The following DNAH6 variants were observed in gnomAD, a reference collection of about 807,000 sequenced individuals.
The protein encoded by DNAH6 is dynein axonemal heavy chain 6.
In DNAH6, 340 loss-of-function variants were observed where a neutral mutation model predicts 491.4. That is an observed-to-expected ratio of 0.69 (90% CI 0.63 to 0.76). The LOEUF (loss-of-function observed/expected upper bound fraction) is 0.76. Ranked by LOEUF, DNAH6 falls within the 30% of genes least tolerant of loss-of-function variation. The pLI is 0.00. For missense variants in DNAH6, 4,443 were observed against 4,972.2 expected, an observed-to-expected ratio of 0.89 and a Z score of 3.20; for synonymous variants, 1,603 against 1,686.1, an observed-to-expected ratio of 0.95 and a Z score of 1.21.
chr2:84,525,192 T>C (rs1206630702), intron 2 of DNAH6, among the ~76,000 whole-genome samples: 13 of 152,076 alleles, frequency 8.5e-5, no homozygotes, highest in Non-Finnish European at 2.9e-5. Flanking sequence ...TGGTTGATGA[T>C]TTTGATTTTG....
At chr2:84,539,147 A>G (rs1324329901) in intron 4 of DNAH6, among the ~76,000 whole-genome samples, 1 of 152,140 alleles carries the variant, frequency 6.6e-6, no homozygotes, top group African/African-American at 2.4e-5. Context: ...AAGTGGAAAC[A>G]CTATGGGCCG....
At chr2:84,619,541 C>T in intron 23 of DNAH6, 144 bp from the exon 24 acceptor site, 1 of 695,594 alleles carries the variant, frequency 1.4e-6, no homozygotes, top group Non-Finnish European at 2.4e-6. Flanking sequence ...TATGTGGCTT[C>T]CCCAGAAACC....
chr2:84,802,797 C>T, intron 70 of DNAH6, among the ~76,000 whole-genome samples: 1 of 152,122 alleles, frequency 6.6e-6, no homozygotes, highest in East Asian at 1.9e-4. Context: ...CTAATATTGA[C>T]CACATGCTTG....
In DNAH6 at chr2:84,560,566, G is replaced by A. The variant is rs371187860; in HGVS notation, c.1803+2631G>A. On this transcript the variant is annotated intron_variant, in intron 11 of 76. Coordinates refer to ENST00000389394, the MANE Select transcript of DNAH6 (RefSeq NM_001370.2). ...GCTGGTGTGCTGCACCCATTAACTCGTCATTTAGCATTAGGTATATCTCCT... is the reference window on the plus strand; with the variant it reads ...GCTGGTGTGCTGCACCCATTAACTCATCATTTAGCATTAGGTATATCTCCT... Among the ~76,000 whole-genome samples the A allele has an allele frequency of 6.7e-5, 10 of 150,308 alleles. No homozygotes were observed. In the East Asian group the frequency reaches 9.7e-4, roughly 15 times the overall value.
chr2:84,545,401 A>C (rs922193), intron 5 of DNAH6, among the ~76,000 whole-genome samples: 146,871 of 152,284 alleles, frequency 0.96, 70,873 homozygotes, highest in East Asian at 1. Context: ...CATTAAGGAT[A>C]CATCAGTCAT....
At chr2:84,584,571 A>T (rs1272980519) in intron 15 of DNAH6, 1 of 228,296 alleles carries the variant, frequency 4.4e-6, no homozygotes, top group Non-Finnish European at 8.7e-6. Context: ...TTAAAAATTA[A>T]TGTTTCAAAA....
At chr2:84,793,378 C>A (rs541137440) in intron 68 of DNAH6, among the ~76,000 whole-genome samples, 2 of 152,324 alleles carry the variant, frequency 1.3e-5, no homozygotes, top group African/African-American at 4.8e-5. Flanking sequence ...AGAGTCAAAT[C>A]TGGATGGAGA....
chr2:84,518,136 C>T, intron 2 of DNAH6, 85 bp downstream of exon 2: 5 of 960,378 alleles, frequency 5.2e-6, no homozygotes, highest in Non-Finnish European at 7.7e-6. Flanking sequence ...CATGTCCAGA[C>T]TCTGAACTGA....
At chr2:84,628,926 C>G (rs905852963) in intron 29 of DNAH6, among the ~76,000 whole-genome samples, 6 of 152,186 alleles carry the variant, frequency 3.9e-5, no homozygotes, top group African/African-American at 7.2e-5. Flanking sequence ...TCCTCTGTCT[C>G]TCTTCACCAG....
At chr2:84,760,072 A>G (rs1036682782) in intron 63 of DNAH6, among the ~76,000 whole-genome samples, 12 of 152,270 alleles carry the variant, frequency 7.9e-5, no homozygotes, top group African/African-American at 2.4e-4. Flanking sequence ...GGAAAAAGAC[A>G]CCTCTTTCAG....
chr2:84,690,344 A>T (rs763468731), intron 45 of DNAH6, among the ~76,000 whole-genome samples: 2 of 152,220 alleles, frequency 1.3e-5, no homozygotes, highest in Non-Finnish European at 2.9e-5. Flanking sequence ...GTTATAACAT[A>T]GGTTGTTTGT....
chr2:84,503,064 T>C, the DNAH6 span, among the ~76,000 whole-genome samples: 1 of 152,106 alleles, frequency 6.6e-6, no homozygotes, highest in Admixed American at 6.5e-5. Context: ...TTTGTGGTCT[T>C]CCCTTCCTTC....
chr2:84,709,330 C>T lies in DNAH6; in HGVS notation c.9049-13C>T. On this transcript the variant is annotated splice_polypyrimidine_tract_variant and intron_variant, in intron 54 of 76. Coordinates refer to ENST00000389394, the MANE Select transcript of DNAH6 (RefSeq NM_001370.2). Reference sequence around the variant, plus strand: ...TCCTGACTCTACTCAAGTAAGCTTTCCCCCTTCTACAGCTTATAGAGTGTT... The same window carrying T: ...TCCTGACTCTACTCAAGTAAGCTTTTCCCCTTCTACAGCTTATAGAGTGTT... The T allele has an allele frequency of 1.9e-6, 3 of 1,551,268 alleles. No individual in the cohort carries two copies. Among genetic ancestry groups the T allele is most frequent in the Non-Finnish European group, 2.6e-6 (3 of 1,146,796 alleles).
chr2:84,603,075 C>T (rs1422757345), intron 18 of DNAH6, among the ~76,000 whole-genome samples: 2 of 152,008 alleles, frequency 1.3e-5, no homozygotes, highest in African/African-American at 4.8e-5. Context: ...TATCTACTTC[C>T]AACATGTGTG....
chr2:84,726,997 A>T (rs911590628), intron 60 of DNAH6, among the ~76,000 whole-genome samples: 4 of 152,192 alleles, frequency 2.6e-5, no homozygotes, highest in African/African-American at 9.7e-5. Context: ...AAAATCACAA[A>T]AATCAGTTTC....
chr2:84,555,851 A>C (rs1371698167), intron 10 of DNAH6, among the ~76,000 whole-genome samples: 1 of 151,994 alleles, frequency 6.6e-6, no homozygotes, highest in Non-Finnish European at 1.5e-5. Context: ...TTGAGATCAG[A>C]TCATCAGCTC....
chr2:84,618,653 G>A (rs530892362), intron 23 of DNAH6, among the ~76,000 whole-genome samples: 3 of 152,036 alleles, frequency 2.0e-5, no homozygotes, highest in African/African-American at 7.2e-5. Context: ...AATGTTAATA[G>A]TTAATTGCTG....
At chr2:84,785,205 G>A (rs1476943194) in intron 66 of DNAH6, among the ~76,000 whole-genome samples, 1 of 152,210 alleles carries the variant, frequency 6.6e-6, no homozygotes, top group East Asian at 1.9e-4. Context: ...CTGCATATGA[G>A]GAACAAGAGT....
At chr2:84,678,006 G>T (rs1479284594) in intron 41 of DNAH6, among the ~76,000 whole-genome samples, 1 of 152,176 alleles carries the variant, frequency 6.6e-6, no homozygotes, top group Non-Finnish European at 1.5e-5. Flanking sequence ...TGGCAATTAA[G>T]TGAACCTCCA....
Sources: gnomAD v4.1 joint callset for allele counts (sites outside exome capture counted in the v4.1 genomes callset) on GRCh38, gnomAD v4.1.1 for gene constraint, MANE v1.5 for transcripts, NCBI Gene and HGNC (gene_info 2026-07-23, HGNC 2026-07-21) for gene names.